Variants in SGCZ observed in about 807,000 individuals in gnomAD.
SGCZ encodes sarcoglycan zeta.
Under a neutral mutation model 41.3 loss-of-function variants are expected in SGCZ, and 40 were observed. The observed-to-expected ratio is 0.97, with a 90% confidence interval of 0.75 to 1.26. SGCZ has a LOEUF of 1.26. SGCZ is among the 50% of genes most tolerant of loss of function. SGCZ has a pLI of 0.00. For synonymous variants in SGCZ, 206 were observed against 137.5 expected (o/e 1.50, Z -3.49); for missense variants, 552 against 369.8 (o/e 1.49, Z -4.04).
chr8:14,484,141 A>G (rs1801609608), intron 2 of SGCZ, among the ~76,000 whole-genome samples: 1 of 152,210 alleles, frequency 6.6e-6, no homozygotes, highest in South Asian at 2.1e-4. Flanking sequence ...ACATATGTAC[A>G]AACTGGTTAT....
At chr8:14,755,481 T>C (rs1799635686) in intron 1 of SGCZ, among the ~76,000 whole-genome samples, 1 of 152,140 alleles carries the variant, frequency 6.6e-6, no homozygotes, top group African/African-American at 2.4e-5. Context: ...GATAAGGAAA[T>C]ACAAAGGAGC....
At chr8:14,562,749 G>A (rs1225742615) in intron 1 of SGCZ, among the ~76,000 whole-genome samples, 2 of 152,032 alleles carry the variant, frequency 1.3e-5, no homozygotes, top group Admixed American at 1.3e-4. Flanking sequence ...GAGTGTCTGG[G>A]GGTCTTGTAT....
chr8:15,237,731 G>T lies in SGCZ; in HGVS notation c.-108C>A. On this transcript the variant is annotated 5_prime_UTR_variant, in exon 1 of 8. Coordinates refer to ENST00000382080, the MANE Select transcript of SGCZ (RefSeq NM_139167.4). ...CAGCTTTATCCTCCTCCAAGCCCCG[G>T]CAGCTCCTCTCAGTCTCATTCTCCG... is the stretch of plus-strand genomic sequence containing the variant. 1 of 1,204,250 alleles carries T rather than the reference G, an allele frequency of 8.3e-7. No homozygotes were observed. The highest frequency in any genetic ancestry group is 1.2e-6 in the Non-Finnish European group (1 of 835,312). The allele number at this position is 1,204,250 out of a possible 1,614,324, so 74.6% of individuals were successfully genotyped here.
chr8:15,197,373 GA>G (rs1294380512), intron 1 of SGCZ, among the ~76,000 whole-genome samples: 3 of 152,104 alleles, frequency 2.0e-5, no homozygotes, highest in Non-Finnish European at 2.9e-5. Context: ...ACATCTTCAC[GA>G]AAACTAAGTT....
chr8:14,342,968 T>G (rs1197544926), intron 2 of SGCZ, among the ~76,000 whole-genome samples: 1 of 152,038 alleles, frequency 6.6e-6, no homozygotes, highest in Non-Finnish European at 1.5e-5. Flanking sequence ...GCCTAGGGAT[T>G]TGGTGCCCTG....
intron 1 of SGCZ, among the ~76,000 whole-genome samples, chr8:14,838,364 C>T (rs1041620557): frequency 6.6e-6 from 1 of 152,110 alleles, no homozygotes; most frequent in African/African-American, 2.4e-5. Flanking sequence ...CTAGTCAGTT[C>T]TCAGAGATAG....
chr8:15,034,764 C>A (rs1803811790), intron 1 of SGCZ, among the ~76,000 whole-genome samples: 2 of 147,056 alleles, frequency 1.4e-5, no homozygotes, highest in Non-Finnish European at 3.0e-5. Context: ...AAGCACTGAA[C>A]TTTCCAGCAG....
intron 2 of SGCZ, among the ~76,000 whole-genome samples, chr8:14,443,354 T>A (rs1262981135): frequency 6.6e-6 from 1 of 152,038 alleles, no homozygotes; most frequent in Admixed American, 6.6e-5. Flanking sequence ...CATCGCCAAG[T>A]CAATCCTAAG....
chr8:14,283,586 C>A (rs1278942152), intron 3 of SGCZ, among the ~76,000 whole-genome samples: 4 of 152,132 alleles, frequency 2.6e-5, no homozygotes, highest in Non-Finnish European at 5.9e-5. Flanking sequence ...ACGTTAAACC[C>A]TTGTGGGTTA....
intron 3 of SGCZ, among the ~76,000 whole-genome samples, chr8:14,312,673 G>T (rs1449620119): frequency 6.6e-6 from 1 of 151,522 alleles, no homozygotes; most frequent in African/African-American, 2.4e-5. Flanking sequence ...AGGAGGAAGA[G>T]GAGGAGGAGG....
intron 1 of SGCZ, among the ~76,000 whole-genome samples, chr8:14,600,704 G>C (rs550154469): frequency 1.8e-4 from 28 of 152,154 alleles, no homozygotes; most frequent in African/African-American, 6.0e-4. Flanking sequence ...GCTGTGTCAT[G>C]ATTTCAACTA....
At chr8:15,016,142 A>C (rs1803024776) in intron 1 of SGCZ, among the ~76,000 whole-genome samples, 1 of 152,174 alleles carries the variant, frequency 6.6e-6, no homozygotes, top group Non-Finnish European at 1.5e-5. Flanking sequence ...ATTCTTTTGC[A>C]AAATTTCCTC....
At chr8:15,004,536 A>G (rs746376356) in intron 1 of SGCZ, among the ~76,000 whole-genome samples, 6 of 152,178 alleles carry the variant, frequency 3.9e-5, no homozygotes, top group Non-Finnish European at 8.8e-5. Context: ...TAAAAACCCA[A>G]TGCAGAACTC....
At chr8:14,891,527 G>C (rs953821484) in intron 1 of SGCZ, among the ~76,000 whole-genome samples, 1 of 152,224 alleles carries the variant, frequency 6.6e-6, no homozygotes, top group Non-Finnish European at 1.5e-5. Flanking sequence ...GATGAGCAAA[G>C]AAAGTGGTAT....
At chr8:15,195,346 C>T (rs1800689035) in intron 1 of SGCZ, among the ~76,000 whole-genome samples, 1 of 152,050 alleles carries the variant, frequency 6.6e-6, no homozygotes, top group Non-Finnish European at 1.5e-5. Context: ...ATGGAATGTT[C>T]GGTAACTGAT....
intron 1 of SGCZ, among the ~76,000 whole-genome samples, chr8:15,211,895 T>C (rs1801247443): frequency 6.6e-6 from 1 of 152,130 alleles, no homozygotes; most frequent in Admixed American, 6.6e-5. Flanking sequence ...TTGATTAGGG[T>C]TCACTTTTGG....
chr8:15,029,986 T>G (rs1301959517), intron 1 of SGCZ, among the ~76,000 whole-genome samples: 1 of 152,172 alleles, frequency 6.6e-6, no homozygotes, highest in East Asian at 1.9e-4. Flanking sequence ...AAGTCCCAAG[T>G]ACCTATTCTG....
At chr8:14,367,787 A>C (rs1803766235) in intron 2 of SGCZ, among the ~76,000 whole-genome samples, 1 of 152,078 alleles carries the variant, frequency 6.6e-6, no homozygotes, top group Non-Finnish European at 1.5e-5. Context: ...TGGGGACTGC[A>C]ATTCAAAATG....
chr8:14,932,098 T>A (rs1799938512), intron 1 of SGCZ, among the ~76,000 whole-genome samples: 1 of 151,940 alleles, frequency 6.6e-6, no homozygotes, highest in Non-Finnish European at 1.5e-5. Flanking sequence ...GGAAATAGAA[T>A]GTGACATATA....
Sources: allele counts gnomAD v4.1 joint callset (sites outside exome capture counted in the v4.1 genomes callset), GRCh38; gene constraint gnomAD v4.1.1; transcripts MANE v1.5; gene names NCBI Gene and HGNC (gene_info 2026-07-23, HGNC 2026-07-21).